The following CRACDL variants were observed in gnomAD, a reference collection of about 807,000 sequenced individuals.
CRACDL encodes the protein CRACD-like protein.
A neutral mutation model predicts 70.6 loss-of-function variants in CRACDL; 26 were observed. The ratio of observed to expected loss-of-function variants is 0.37; its 90% confidence interval spans 0.27 to 0.51. The LOEUF is 0.51. CRACDL is among the 20% of genes least tolerant of loss of function. The pLI is 0.94. For missense variants in CRACDL, 1,283 were observed against 1,376.9 expected, an observed-to-expected ratio of 0.93 and a Z score of 1.08; for synonymous variants, 618 against 615.2, an observed-to-expected ratio of 1.00 and a Z score of -0.07.
At chr2:98,896,290 C>T (rs1182337549) in intron 1 of CRACDL, among the ~76,000 whole-genome samples, 1 of 152,158 alleles carries the variant, frequency 6.6e-6, no homozygotes, top group African/African-American at 2.4e-5. Flanking sequence ...CACAGCTGTG[C>T]TGGGGAGAGT....
At chr2:98,852,606 AG>A (rs1289471576) in intron 1 of CRACDL, among the ~76,000 whole-genome samples, 1 of 152,196 alleles carries the variant, frequency 6.6e-6, no homozygotes, top group Admixed American at 6.5e-5. Flanking sequence ...AAAAAGATAA[AG>A]AATTTCAAAT....
intron 1 of CRACDL, among the ~76,000 whole-genome samples, chr2:98,871,035 C>T (rs972994517): frequency 6.6e-6 from 1 of 152,224 alleles, no homozygotes; most frequent in Non-Finnish European, 1.5e-5. Context: ...CCTCTCACTG[C>T]CCCTCCACCG....
At chr2:98,812,837 G>A (rs1482418596) in intron 7 of CRACDL, among the ~76,000 whole-genome samples, 1 of 151,784 alleles carries the variant, frequency 6.6e-6, no homozygotes, top group African/African-American at 2.4e-5. Context: ...TCTTAAATAG[G>A]TCTTTTGCAA....
chr2:98,874,103 A>T (rs957786486), intron 1 of CRACDL, among the ~76,000 whole-genome samples: 1 of 152,240 alleles, frequency 6.6e-6, no homozygotes, highest in Non-Finnish European at 1.5e-5. Context: ...CCCAAAGCCC[A>T]ATTGAGCACT....
chr2:98,920,619 C>A (rs1314495341), intron 1 of CRACDL, among the ~76,000 whole-genome samples: 2 of 152,210 alleles, frequency 1.3e-5, no homozygotes, highest in East Asian at 3.9e-4. Context: ...CACACCGGAC[C>A]CCTCTCCCAG....
At chr2:98,917,084 C>T (rs895178818) in intron 1 of CRACDL, among the ~76,000 whole-genome samples, 1 of 152,188 alleles carries the variant, frequency 6.6e-6, no homozygotes, top group Non-Finnish European at 1.5e-5. Context: ...CTTCTCCCTC[C>T]GGCTCGGCCC....
intron 1 of CRACDL, among the ~76,000 whole-genome samples, chr2:98,866,394 T>C (rs1707141780): frequency 6.6e-6 from 1 of 151,454 alleles, no homozygotes; most frequent in African/African-American, 2.4e-5. Context: ...ATAAATATTG[T>C]TAAATGAATG....
intron 1 of CRACDL, among the ~76,000 whole-genome samples, chr2:98,876,936 G>T (rs190421484): frequency 6.6e-6 from 1 of 152,332 alleles, no homozygotes; most frequent in African/African-American, 2.4e-5. Flanking sequence ...AGTAACCACA[G>T]CTTCCACTTT....
intron 1 of CRACDL, among the ~76,000 whole-genome samples, chr2:98,893,523 A>T (rs576485666): frequency 6.6e-6 from 1 of 152,132 alleles, no homozygotes; most frequent in Admixed American, 6.5e-5. Context: ...TGACCTCGTG[A>T]TCTGCCCTCC....
rs1210534736 is a variant in CRACDL, at chr2:98,794,504, G to A, written c.*28C>T. On this transcript the variant is annotated 3_prime_UTR_variant, in exon 10 of 10. Coordinates refer to ENST00000397899, the MANE Select transcript of CRACDL (RefSeq NM_207362.3). ...TAACTAAGTGGCTTGTCAGGGTAGT[G>A]GACATGCTTTATCAGCACACTGCCC... is the stretch of plus-strand genomic sequence containing the variant. 5 of 1,605,744 alleles carry A rather than the reference G, an allele frequency of 3.1e-6. No individual in the cohort carries two copies. The highest frequency in any genetic ancestry group is 1.3e-5 in the African/African-American group (1 of 74,798).
At chr2:98,840,200 AT>A (rs1258856791) in intron 2 of CRACDL, among the ~76,000 whole-genome samples, 30 of 152,124 alleles carry the variant, frequency 2.0e-4, no homozygotes, top group Non-Finnish European at 1.3e-4. Context: ...AAAATGCAGT[AT>A]TTTCATTATT....
intron 7 of CRACDL, among the ~76,000 whole-genome samples, chr2:98,816,788 C>G (rs1317914606): frequency 6.6e-6 from 1 of 152,060 alleles, no homozygotes; most frequent in African/African-American, 2.4e-5. Context: ...AAGGGAAGGG[C>G]AAGACAAAAA....
At chr2:98,893,576 A>G (rs6714243) in intron 1 of CRACDL, among the ~76,000 whole-genome samples, 79,151 of 151,520 alleles carry the variant, frequency 0.52, 22,217 homozygotes, top group African/African-American at 0.73. Flanking sequence ...TAGCCACTGC[A>G]CCCCGCCTGA....
chr2:98,883,723 T>G (rs542616499), intron 1 of CRACDL, among the ~76,000 whole-genome samples: 1 of 152,356 alleles, frequency 6.6e-6, no homozygotes, highest in South Asian at 2.1e-4. Context: ...CTCCAAGTTC[T>G]GTCTTTACTG....
At chr2:98,882,635 C>T (rs1158421628) in intron 1 of CRACDL, among the ~76,000 whole-genome samples, 1 of 152,248 alleles carries the variant, frequency 6.6e-6, no homozygotes, top group African/African-American at 2.4e-5. Flanking sequence ...GCCATAAAAC[C>T]TGTCTCTCTG....
At chr2:98,908,691 G>A (rs140128593) in intron 1 of CRACDL, among the ~76,000 whole-genome samples, 4 of 152,296 alleles carry the variant, frequency 2.6e-5, no homozygotes, top group East Asian at 1.9e-4. Context: ...ACCAAGGCTC[G>A]GGTTTCCAAG....
chr2:98,921,798 C>T (rs1482582926), intron 1 of CRACDL, among the ~76,000 whole-genome samples: 1 of 152,154 alleles, frequency 6.6e-6, no homozygotes, highest in Non-Finnish European at 1.5e-5. Context: ...CACCCGTGCA[C>T]AGCTACGCCA....
rs377246442 is a variant in CRACDL at position 98,822,083 on chromosome 2, G to A, written c.2190C>T (p.Leu730=). 4 of 1,558,042 alleles carry A rather than the reference G, an allele frequency of 2.6e-6. No individual in the cohort carries two copies. The highest frequency in any genetic ancestry group is 2.4e-5 in the East Asian group (1 of 41,408). Residue 730 remains leucine, a synonymous_variant, in exon 7 of 10, where the codon CTC becomes CTT. Coordinates refer to ENST00000397899, the MANE Select transcript of CRACDL (RefSeq NM_207362.3). This position sits in a 1 kb window ranked among gnomAD's most constrained non-coding sequence, Gnocchi z 4.9. The stretch of plus-strand genomic sequence containing the variant: ...TGCCTCGAAGGGCGGGGGCCGTCCC[G>A]AGGGGACACTTCTCCTCCTTCGGGA... ...TVLPKEEKCP[L]GTAPALRGTR...
chr2:98,880,514 C>T lies in CRACDL; in HGVS notation c.-10-33704G>A, dbSNP rs1008576960. 7.9e-5 allele frequency among the ~76,000 whole-genome samples: 12 copies of T among 152,302 alleles called. No homozygotes were observed. In the South Asian group the frequency reaches 1.0e-3, roughly 13 times the overall value. On this transcript the variant is annotated intron_variant, in intron 1 of 9. Coordinates refer to ENST00000397899, the MANE Select transcript of CRACDL (RefSeq NM_207362.3). ...TGACATCGCTGCATCAGTATGGGCA[C>T]GGCGGGCAGGTGGGCCCCCCCTTCT...
Sources: gnomAD v4.1 joint callset for allele counts (sites outside exome capture counted in the v4.1 genomes callset) on GRCh38, gnomAD v4.1.1 for gene constraint, Gnocchi (gnomAD v3.1) non-coding constraint, MANE v1.5 for transcripts, NCBI Gene and HGNC (gene_info 2026-07-23, HGNC 2026-07-21) for gene names.